Variants in UGT1A3 observed in about 807,000 individuals in gnomAD.
UGT1A3 encodes UDP glucuronosyltransferase family 1 member A3.
A neutral mutation model predicts 41.0 loss-of-function variants in UGT1A3; 31 were observed. The ratio of observed to expected loss-of-function variants is 0.76; its 90% CI spans 0.57 to 1.02. UGT1A3 has a LOEUF of 1.02. Among genes scored for constraint, UGT1A3 ranks in the 50% least tolerant of loss-of-function variants. UGT1A3 has a pLI of 0.00. For missense variants in UGT1A3, 737 were observed against 671.0 expected (o/e 1.10, Z -1.09); for synonymous variants, 262 against 257.6 (o/e 1.02, Z -0.17).
chr2:233,761,375 C>T (rs1238115278), intron 1 of UGT1A3, among the ~76,000 whole-genome samples: 2 of 152,226 alleles, frequency 1.3e-5, no homozygotes, highest in Non-Finnish European at 2.9e-5. Context: ...GGACATTTTA[C>T]TCTGTGTGCT....
At chr2:233,752,054 T>C (rs778755699) in intron 1 of UGT1A3, among the ~76,000 whole-genome samples, 4 of 152,312 alleles carry the variant, frequency 2.6e-5, no homozygotes, top group South Asian at 4.2e-4. Flanking sequence ...GTGTGAATGA[T>C]TTCCCGAGAT....
chr2:233,733,516 A>G (rs1473701197), intron 1 of UGT1A3, among the ~76,000 whole-genome samples: 1 of 152,232 alleles, frequency 6.6e-6, no homozygotes, highest in East Asian at 1.9e-4. Context: ...TTTAGGCATG[A>G]AGGGATGTTT....
In UGT1A3 at chr2:233,768,234, C is replaced by G. The variant is rs55750087; in HGVS notation, c.1102C>G (p.Arg368Gly). 2 of 1,614,044 alleles carry G rather than the reference C, an allele frequency of 1.2e-6. No homozygotes were observed. The highest frequency in any genetic ancestry group is 4.5e-5 in the East Asian group (2 of 44,882). Reference protein sequence around the residue: ...QNDLLGHPMTRAFITHAGSHG... With the variant: ...QNDLLGHPMTGAFITHAGSHG... ...TTGCATCTCAGGTCACCCGATGACCCGTGCCTTTATCACCCATGCTGGTTC... is the reference window on the plus strand; with the variant it reads ...TTGCATCTCAGGTCACCCGATGACCGGTGCCTTTATCACCCATGCTGGTTC... Residue 368 changes from arginine (R) to glycine (G), a missense_variant, in exon 4 of 5, where the codon CGT becomes GGT. Arg to Gly is a moderately radical substitution (Grantham distance 125). Coordinates refer to ENST00000482026, the MANE Select transcript of UGT1A3 (RefSeq NM_019093.4).
At chr2:233,770,661 TAAAAA>T (rs112650156) in intron 4 of UGT1A3, 1 of 137,296 alleles carries the variant, frequency 7.3e-6, no homozygotes, top group Non-Finnish European at 1.6e-5. Flanking sequence ...CCGTCTTACT[TAAAAA>T]AAAAAAAAAG....
chr2:233,737,416 C>T (rs1321045619), intron 1 of UGT1A3, among the ~76,000 whole-genome samples: 5 of 152,210 alleles, frequency 3.3e-5, no homozygotes, highest in Non-Finnish European at 7.3e-5. Context: ...TTGGGAAAAG[C>T]ACAGTATTTG....
At chr2:233,754,990 G>A (rs1695677105) in intron 1 of UGT1A3, 1 of 1,294,272 alleles carries the variant, frequency 7.7e-7, no homozygotes, top group Non-Finnish European at 1.0e-6. Context: ...GCGGGGTCAC[G>A]GAAGCTGAAG....
At chr2:233,755,082 T>C (rs971081603) in intron 1 of UGT1A3, 16 of 1,336,710 alleles carry the variant, frequency 1.2e-5, no homozygotes, top group Middle Eastern at 2.1e-4. Context: ...GTCATAGATA[T>C]CGCGTTTCTA....
intron 1 of UGT1A3, chr2:233,743,739 T>C (rs377618743): frequency 7.3e-7 from 1 of 1,367,366 alleles, no homozygotes; most frequent in African/African-American, 1.5e-5. Flanking sequence ...TCGCGTTTCT[T>C]GGCGTCCGAC....
At chr2:233,766,342 AGTGGCCTGCC>A (rs1699121690) in intron 1 of UGT1A3, among the ~76,000 whole-genome samples, 1 of 152,026 alleles carries the variant, frequency 6.6e-6, no homozygotes, top group Non-Finnish European at 1.5e-5. Flanking sequence ...TCTGCTGGTC[AGTGGCCTGCC>A]GGTGCCTGTT....
chr2:233,748,927 T>C (rs1694062254), intron 1 of UGT1A3, among the ~76,000 whole-genome samples: 1 of 151,536 alleles, frequency 6.6e-6, no homozygotes, highest in Admixed American at 6.6e-5. Flanking sequence ...AAGCTGAACA[T>C]ATCACCAAAC....
chr2:233,765,740 C>T (rs951696953), intron 1 of UGT1A3, among the ~76,000 whole-genome samples: 1 of 147,868 alleles, frequency 6.8e-6, no homozygotes, highest in African/African-American at 2.5e-5. Context: ...TAAATAAACC[C>T]ATAAAGCCAT....
chr2:233,743,781 A>C (rs757688108), intron 1 of UGT1A3: 2 of 1,366,938 alleles, frequency 1.5e-6, no homozygotes, highest in Non-Finnish European at 2.0e-6. Flanking sequence ...ACCTGCTTGA[A>C]TCTCCTCTCC....
intron 1 of UGT1A3, chr2:233,748,039 T>C (rs999910080): frequency 2.4e-4 from 393 of 1,613,376 alleles, no homozygotes; most frequent in South Asian, 8.0e-4. Context: ...ATGGTCTTCA[T>C]TGGGGGCATC....
At position 233,772,264 on chromosome 2, in the gene UGT1A3, A is replaced by T. The variant is rs766626435; in HGVS notation, c.1310A>T (p.Tyr437Phe). ...AACGAAACTGTCTTTGTGTTTAGTTACAAGGAGAACATCATGCGCCTCTCC... is the reference window on the plus strand; with the variant it reads ...AACGAAACTGTCTTTGTGTTTAGTTTCAAGGAGAACATCATGCGCCTCTCC... ...ALKAVINDKSYKENIMRLSSL... is the reference protein window; with the variant it reads ...ALKAVINDKSFKENIMRLSSL... The change falls in exon 5 of 5, where the codon TAC (tyrosine) becomes TTC (phenylalanine). Residue 437 changes from tyrosine (Y) to phenylalanine (F), a missense_variant and splice_region_variant. Transcript: ENST00000482026. 1.9e-6 allele frequency: 3 copies of T among 1,614,262 alleles called. No individual in the cohort carries two copies. Among genetic ancestry groups the T allele is most frequent in the Non-Finnish European group, 2.5e-6 (3 of 1,180,060 alleles).
intron 1 of UGT1A3, 85 bp from the exon 2 acceptor site, chr2:233,766,949 G>A: frequency 6.2e-7 from 1 of 1,600,626 alleles, no homozygotes. Context: ...GTCTTAAGAG[G>A]AAGATATCTA....
intron 1 of UGT1A3, among the ~76,000 whole-genome samples, chr2:233,730,736 G>A (rs896842159): frequency 4.6e-5 from 7 of 152,232 alleles, no homozygotes; most frequent in Non-Finnish European, 2.9e-5. Flanking sequence ...TGGCGGAAGG[G>A]GCTAGGGAGG....
intron 1 of UGT1A3, among the ~76,000 whole-genome samples, chr2:233,756,540 G>A (rs1404409517): frequency 2.0e-5 from 3 of 152,048 alleles, no homozygotes; most frequent in African/African-American, 7.2e-5. Flanking sequence ...TTTCTTGACT[G>A]CTAAAACAAC....
chr2:233,763,945 G>T (rs1405755046), intron 1 of UGT1A3, among the ~76,000 whole-genome samples: 1 of 152,190 alleles, frequency 6.6e-6, no homozygotes, highest in South Asian at 2.1e-4. Context: ...GGAAAGCTTG[G>T]GAGCAGGGAA....
chr2:233,755,291 C>G (rs1483791202), intron 1 of UGT1A3: 2 of 651,218 alleles, frequency 3.1e-6, no homozygotes, highest in Admixed American at 2.9e-5. Flanking sequence ...AAAGAGCCTG[C>G]GGGGCACTGG....
Sources: allele counts gnomAD v4.1 joint callset (sites outside exome capture counted in the v4.1 genomes callset), GRCh38; gene constraint gnomAD v4.1.1; transcripts MANE v1.5; gene names NCBI Gene and HGNC (gene_info 2026-07-23, HGNC 2026-07-21).